PCDHGB1: variants seen among roughly 807,000 people sequenced by gnomAD.
PCDHGB1 encodes protocadherin gamma-B1.
In PCDHGB1, 34 loss-of-function variants were observed where a neutral mutation model predicts 56.6. The ratio of observed to expected loss-of-function variants is 0.60; its 90% CI spans 0.46 to 0.80. The LOEUF is 0.80. PCDHGB1 is among the 30% of genes least tolerant of loss of function. The pLI is 0.00. For missense variants in PCDHGB1, 1,278 were observed against 1,204.6 expected, an observed-to-expected ratio of 1.06 and a Z score of -0.90; for synonymous variants, 561 against 505.9, an observed-to-expected ratio of 1.11 and a Z score of -1.46.
At position 141,350,887 on chromosome 5, in the gene PCDHGB1, G is replaced by A. The variant is rs2149759418; in HGVS notation, c.627G>A (p.Leu209=). The change falls in exon 1 of 4, where the codon CTG becomes CTA. Residue 209 remains leucine, a synonymous_variant. Coordinates refer to ENST00000523390, the MANE Select transcript of PCDHGB1 (RefSeq NM_018922.3). ...ATCAGAGCTCTCATCGCTTAATCCT[G>A]ACTGCCATGGATGGCGGGGACCCGC... The part of the protein sequence containing the change: ...REHQSSHRLI[L]TAMDGGDPPL... The A allele has an allele frequency of 1.9e-6, 3 of 1,614,044 alleles. No homozygotes were observed. Among genetic ancestry groups the A allele is most frequent in the Non-Finnish European group, 2.5e-6 (3 of 1,179,906 alleles).
At chr5:141,361,741 G>A in intron 1 of PCDHGB1, 1 of 1,613,146 alleles carries the variant, frequency 6.2e-7, no homozygotes, top group African/African-American at 1.3e-5. Context: ...GCAGGCCCGC[G>A]ACCAGGGCTC....
chr5:141,385,205 T>A, intron 1 of PCDHGB1: 1 of 1,614,228 alleles, frequency 6.2e-7, no homozygotes, highest in Non-Finnish European at 8.5e-7. Flanking sequence ...AGTCACCTGA[T>A]CTTCCCCCAG....
chr5:141,407,996 TG>T, intron 1 of PCDHGB1: 1 of 872,306 alleles, frequency 1.1e-6, no homozygotes, highest in Non-Finnish European at 1.7e-6. Flanking sequence ...GCCTCTGGCC[TG>T]GGATTCCCTG....
chr5:141,493,289 C>T lies in PCDHGB1; in HGVS notation c.2410-1518C>T, dbSNP rs925045650. 2.6e-5 allele frequency among the ~76,000 whole-genome samples: 4 copies of T among 152,176 alleles called. No individual in the cohort carries two copies. Among genetic ancestry groups the T allele is most frequent in the Non-Finnish European group, 5.9e-5 (4 of 68,030 alleles). On this transcript the variant is annotated intron_variant, in intron 1 of 3. Coordinates refer to ENST00000523390, the MANE Select transcript of PCDHGB1 (RefSeq NM_018922.3). The surrounding 1 kb of genome is among the most constrained non-coding windows in gnomAD (Gnocchi z 4.3). ...CTTCACAGAGGTCAAGTGACTTGCT[C>T]AAGTTCACAGAGCAAGTAAGAGAGA...
chr5:141,409,270 T>A (rs761773360), intron 1 of PCDHGB1: 6 of 1,613,996 alleles, frequency 3.7e-6, no homozygotes, highest in Non-Finnish European at 4.2e-6. Flanking sequence ...CTGATCAGAT[T>A]TTGGAGAATT....
At chr5:141,415,401 G>T in intron 1 of PCDHGB1, 2 of 1,614,206 alleles carry the variant, frequency 1.2e-6, no homozygotes, top group Non-Finnish European at 1.7e-6. Context: ...TGTCCGGCTC[G>T]CACTTTGTGG....
rs774140980 is a variant in PCDHGB1, at chr5:141,420,167, T to G, written c.2409+67498T>G. On this transcript the variant is annotated intron_variant, in intron 1 of 3. Transcript: ENST00000523390. ...GAATCCAGAATTTAATTTTTTCACA[T>G]CTGTTGATCATTGTCCAGCCACACA... 3 of 1,614,082 alleles carry G rather than the reference T, an allele frequency of 1.9e-6. No homozygotes were observed. The South Asian group carries it at 3.3e-5, about 18-fold the overall frequency.
intron 1 of PCDHGB1, chr5:141,420,220 A>G (rs2096478738): frequency 6.2e-7 from 1 of 1,608,142 alleles, no homozygotes; most frequent in African/African-American, 1.3e-5. Flanking sequence ...ATAGCATGCT[A>G]CTGGCTAGCA....
intron 1 of PCDHGB1, among the ~76,000 whole-genome samples, chr5:141,387,440 A>G (rs2090946110): frequency 6.6e-6 from 1 of 152,240 alleles, no homozygotes; most frequent in African/African-American, 2.4e-5. Flanking sequence ...TATGTACTTA[A>G]TCTACATGAT....
intron 1 of PCDHGB1, chr5:141,421,399 C>T (rs777999539): frequency 1.2e-6 from 2 of 1,613,928 alleles, no homozygotes; most frequent in East Asian, 2.2e-5. Flanking sequence ...GCTGGAGCCC[C>T]GGGAGCTGGC....
chr5:141,419,613 G>T (rs369914837), intron 1 of PCDHGB1: 144 of 1,612,020 alleles, frequency 8.9e-5, no homozygotes, highest in Admixed American at 1.5e-4. Context: ...GCGCAGCCAG[G>T]CTACCTGGTG....
At chr5:141,409,030 G>C (rs377547144) in intron 1 of PCDHGB1, 2 of 1,614,010 alleles carry the variant, frequency 1.2e-6, no homozygotes, top group South Asian at 2.2e-5. Context: ...TCAATGCTGA[G>C]ATAAACTACT....
rs771162471 is a variant in PCDHGB1 at position 141,376,386 on chromosome 5, T to C, written c.2409+23717T>C. 3 of 1,614,116 alleles carry C rather than the reference T, an allele frequency of 1.9e-6. No homozygotes were observed. The African/African-American group carries it at 4.0e-5, about 22-fold the overall frequency. Reference sequence around the variant, plus strand: ...ACTGCAGACTCGCGTAAGAGTCATCTGATTTTCCCCCAGCCCAACTATGCC... The same window carrying C: ...ACTGCAGACTCGCGTAAGAGTCATCCGATTTTCCCCCAGCCCAACTATGCC... On this transcript the variant is annotated intron_variant, in intron 1 of 3. Coordinates refer to ENST00000523390, the MANE Select transcript of PCDHGB1 (RefSeq NM_018922.3).
Position 141,352,678 on chromosome 5 carries a change from C to T in PCDHGB1, c.2409+9C>T. On this transcript the variant is annotated intron_variant, in intron 1 of 3. Coordinates refer to ENST00000523390, the MANE Select transcript of PCDHGB1 (RefSeq NM_018922.3). ...CTTCTTTGTCTTCGCACGTGAGTTT[C>T]TGCAAATCTAGTTAAATTTTATATA... 6.4e-7 allele frequency: 1 copy of T among 1,570,902 alleles called. No individual in the cohort carries two copies. Among genetic ancestry groups the T allele is most frequent in the African/African-American group, 1.4e-5 (1 of 73,944 alleles).
At position 141,437,741 on chromosome 5, in the gene PCDHGB1, C is replaced by CTT. The variant is rs35124340; in HGVS notation, c.2410-57052_2410-57051dup. 4.3e-3 allele frequency among the ~76,000 whole-genome samples: 606 copies of CTT among 141,726 alleles called. 5 individuals are homozygous for CTT. The highest frequency in any genetic ancestry group is 0.012 in the Admixed American group (164 of 14,230). 93.0% of individuals were successfully genotyped at this position (141,726 alleles called of 152,430 possible). A position where few individuals can be genotyped will look rare whatever the true frequency, so the allele number is the denominator to read the frequency against. On this transcript the variant is annotated intron_variant, in intron 1 of 3. Transcript: ENST00000523390. ...CTCTAATGTTACACTTTGAGTTCAC[C>CTT]TTTTTTTTTTTTTTTGAGACAGAGT...
chr5:141,381,826 C>CTTTTTTTTTTTTTTTTTT (rs770630741), intron 1 of PCDHGB1, among the ~76,000 whole-genome samples: 6 of 74,288 alleles, frequency 8.1e-5, no homozygotes, highest in East Asian at 3.6e-4. Flanking sequence ...CTTTCTTCTT[C>CTTTTTTTTTTTTTTTTTT]TTTTTTTTTT....
At chr5:141,397,304 A>G (rs1206880219) in intron 1 of PCDHGB1, among the ~76,000 whole-genome samples, 2 of 152,202 alleles carry the variant, frequency 1.3e-5, no homozygotes, top group Non-Finnish European at 2.9e-5. Context: ...TATTTCCTGA[A>G]GTAGAAGAGT....
intron 1 of PCDHGB1, among the ~76,000 whole-genome samples, chr5:141,362,796 T>C (rs1462578266): frequency 6.6e-6 from 1 of 152,252 alleles, no homozygotes; most frequent in Non-Finnish European, 1.5e-5. Context: ...TTCTTCCTCA[T>C]CTTTACATTA....
chr5:141,444,762 T>A (rs767523211), intron 1 of PCDHGB1, among the ~76,000 whole-genome samples: 2 of 152,248 alleles, frequency 1.3e-5, no homozygotes, highest in Non-Finnish European at 2.9e-5. Flanking sequence ...TAGTTCTATT[T>A]CTATATTCTT....
Sources: gnomAD v4.1 joint callset for allele counts (sites outside exome capture counted in the v4.1 genomes callset) on GRCh38, gnomAD v4.1.1 for gene constraint, Gnocchi (gnomAD v3.1) non-coding constraint, MANE v1.5 for transcripts, NCBI Gene and HGNC (gene_info 2026-07-23, HGNC 2026-07-21) for gene names.